Variants in CADM2 observed in about 807,000 individuals in gnomAD.
CADM2 encodes cell adhesion molecule 2.
CADM2 carries 12 observed loss-of-function variants against 49.8 expected under a neutral mutation model. The observed-to-expected ratio is 0.24, with a 90% CI of 0.15 to 0.39. The LOEUF (loss-of-function observed/expected upper bound fraction) is 0.39. CADM2 is among the 10% of genes least tolerant of loss of function. The probability of loss-of-function intolerance (pLI) is 1.00; values close to 1 mark genes in which losing one functional copy is unlikely to be tolerated. For missense variants in CADM2, 378 were observed against 492.3 expected (o/e 0.77, Z 2.20); for synonymous variants, 214 against 175.4 (o/e 1.22, Z -1.74).
At chr3:85,823,770 G>A (rs1390055235) in intron 3 of CADM2, among the ~76,000 whole-genome samples, 1 of 152,062 alleles carries the variant, frequency 6.6e-6, no homozygotes, top group Non-Finnish European at 1.5e-5. Context: ...CTGAAAAAGT[G>A]GATGACCTTG....
At chr3:85,656,263 C>T (rs1419474000) in intron 1 of CADM2, among the ~76,000 whole-genome samples, 4 of 152,080 alleles carry the variant, frequency 2.6e-5, no homozygotes, top group South Asian at 2.1e-4. Context: ...AAATAAAATT[C>T]TCATAAATCA....
At chr3:85,642,255 G>T (rs2064743729) in intron 1 of CADM2, among the ~76,000 whole-genome samples, 1 of 151,700 alleles carries the variant, frequency 6.6e-6, no homozygotes, top group African/African-American at 2.4e-5. Context: ...GATAGATTAT[G>T]GAATAAAACC....
Position 85,568,449 on chromosome 3 carries a change from T to TC in CADM2, c.62-158073_62-158072insC. ...TTTCTTTCTTTCTTTCTTTCTTTCTTTCTTTCTTTCTTTCTCTTTCTCTCT... is the reference window on the plus strand; with the variant it reads ...TTTCTTTCTTTCTTTCTTTCTTTCTTCTCTTTCTTTCTTTCTCTTTCTCTCT... On this transcript the variant is annotated intron_variant, in intron 1 of 9. Coordinates refer to ENST00000383699, the MANE Select transcript of CADM2 (RefSeq NM_001167675.2). Among the ~76,000 whole-genome samples, 77 of 27,696 alleles carry TC rather than the reference T, an allele frequency of 2.8e-3. 1 individual carries two copies. Among genetic ancestry groups the TC allele is most frequent in the South Asian group, 5.0e-3 (4 of 798 alleles). The allele number at this position is 27,696 out of a possible 152,430, so 18.2% of individuals were successfully genotyped here.
intron 3 of CADM2, among the ~76,000 whole-genome samples, chr3:85,870,188 T>C (rs937358022): frequency 6.6e-6 from 1 of 152,160 alleles, no homozygotes; most frequent in Non-Finnish European, 1.5e-5. Flanking sequence ...GGTAGATGCA[T>C]AGACAAAGAT....
intron 1 of CADM2, among the ~76,000 whole-genome samples, chr3:85,391,098 C>T (rs2034496413): frequency 6.6e-6 from 1 of 152,010 alleles, no homozygotes; most frequent in African/African-American, 2.4e-5. Context: ...GTGCTGATTA[C>T]CTCCAATGAA....
chr3:86,015,442 C>A (rs1274848150), intron 8 of CADM2, among the ~76,000 whole-genome samples: 1 of 152,114 alleles, frequency 6.6e-6, no homozygotes, highest in South Asian at 2.1e-4. Flanking sequence ...TTGGGTGTTA[C>A]AAATTCTTTG....
intron 8 of CADM2, among the ~76,000 whole-genome samples, chr3:86,032,049 C>T (rs1038420747): frequency 2.0e-5 from 3 of 151,440 alleles, no homozygotes; most frequent in African/African-American, 7.3e-5. Context: ...ATATTTTTTT[C>T]TTCTCTATGT....
chr3:85,871,459 ATC>A (rs1428997993), intron 3 of CADM2, among the ~76,000 whole-genome samples: 1 of 152,110 alleles, frequency 6.6e-6, no homozygotes, highest in Non-Finnish European at 1.5e-5. Flanking sequence ...TATTTAAGAG[ATC>A]TATAGGCTCT....
chr3:85,637,608 CAAAA>C lies in CADM2; in HGVS notation c.62-88900_62-88897del, dbSNP rs200210729. 5.2e-4 allele frequency among the ~76,000 whole-genome samples: 36 copies of C among 68,924 alleles called. 1 individual carries two copies. Among genetic ancestry groups the C allele is most frequent in the East Asian group, 1.1e-3 (2 of 1,830 alleles). 45.2% of individuals were successfully genotyped at this position (68,924 alleles called of 152,430 possible). On this transcript the variant is annotated intron_variant, in intron 1 of 9. Coordinates refer to ENST00000383699, the MANE Select transcript of CADM2 (RefSeq NM_001167675.2). Reference sequence around the variant, plus strand: ...TGGGCGACAGAGCGAGACTCCGTCTCAAAAAAAAAAAAAAAAATAAAATAAAATA... The same window carrying C: ...TGGGCGACAGAGCGAGACTCCGTCTCAAAAAAAAAAAAATAAAATAAAATA...
intron 1 of CADM2, among the ~76,000 whole-genome samples, chr3:85,098,649 C>T (rs2037895363): frequency 6.6e-6 from 1 of 152,038 alleles, no homozygotes; most frequent in Non-Finnish European, 1.5e-5. Context: ...TATATTCGTC[C>T]CTCAGTACAC....
At chr3:85,952,270 C>G (rs1447000895) in intron 7 of CADM2, among the ~76,000 whole-genome samples, 1 of 150,774 alleles carries the variant, frequency 6.6e-6, no homozygotes, top group South Asian at 2.1e-4. Context: ...TCCAATGACA[C>G]TATTCTCTTG....
At chr3:86,018,191 T>G (rs1331731095) in intron 8 of CADM2, among the ~76,000 whole-genome samples, 8 of 124,616 alleles carry the variant, frequency 6.4e-5, no homozygotes, top group African/African-American at 2.5e-4. Context: ...TCCATGTCCC[T>G]ACAAAGGACA....
chr3:85,622,506 T>G (rs1266833940), intron 1 of CADM2, among the ~76,000 whole-genome samples: 1 of 152,130 alleles, frequency 6.6e-6, no homozygotes, highest in African/African-American at 2.4e-5. Flanking sequence ...ATGTGTCTGT[T>G]TCCTCTTGCC....
At chr3:85,658,574 GTGTATATATATATATA>G (rs1403482521) in intron 1 of CADM2, among the ~76,000 whole-genome samples, 2 of 55,498 alleles carry the variant, frequency 3.6e-5, no homozygotes, top group Admixed American at 4.7e-4. Context: ...TTGGATATAT[GTGTATATATATATATA>G]TATATATATA....
intron 1 of CADM2, among the ~76,000 whole-genome samples, chr3:85,008,514 T>C (rs775142798): frequency 3.3e-5 from 5 of 152,064 alleles, no homozygotes; most frequent in Non-Finnish European, 7.4e-5. Context: ...GATTGTAAAC[T>C]TCACTGGAAA....
chr3:85,826,164 T>C (rs2073898758), intron 3 of CADM2, among the ~76,000 whole-genome samples: 1 of 152,072 alleles, frequency 6.6e-6, no homozygotes, highest in Non-Finnish European at 1.5e-5. Context: ...ATCATTCTGA[T>C]ATGACTCATT....
chr3:85,234,247 C>T lies in CADM2; in HGVS notation c.61+274579C>T, dbSNP rs534103546. 3.9e-5 allele frequency among the ~76,000 whole-genome samples: 6 copies of T among 152,094 alleles called. No individual in the cohort carries two copies. In the East Asian group the frequency reaches 1.2e-3, roughly 29 times the overall value. Reference sequence around the variant, plus strand: ...AGCTACCATTTCAACTTATTTTTGTCCCCAATTAAAACACTTAAACGTTTA... The same window carrying T: ...AGCTACCATTTCAACTTATTTTTGTTCCCAATTAAAACACTTAAACGTTTA... On this transcript the variant is annotated intron_variant, in intron 1 of 9. Transcript: ENST00000383699.
At chr3:85,895,900 G>A (rs1007500786) in intron 5 of CADM2, among the ~76,000 whole-genome samples, 16 of 152,114 alleles carry the variant, frequency 1.1e-4, no homozygotes, top group African/African-American at 3.9e-4. Context: ...ATGGAACTGT[G>A]AGTCCATTAA....
intron 5 of CADM2, among the ~76,000 whole-genome samples, chr3:85,890,146 G>T (rs2108413734): frequency 6.6e-6 from 1 of 152,116 alleles, no homozygotes; most frequent in East Asian, 1.9e-4. Flanking sequence ...GGGTTTGGAG[G>T]ACTTCAATAT....
Sources: allele counts gnomAD v4.1 joint callset (sites outside exome capture counted in the v4.1 genomes callset), GRCh38; gene constraint gnomAD v4.1.1; transcripts MANE v1.5; gene names NCBI Gene and HGNC (gene_info 2026-07-23, HGNC 2026-07-21).